Variants in WDFY4 observed in about 807,000 individuals in gnomAD.
WDFY4 encodes the protein WDFY family member 4.
In WDFY4, 169 loss-of-function variants were observed where a neutral mutation model predicts 351.9. That is an observed-to-expected ratio of 0.48 (90% CI 0.42 to 0.55). The LOEUF is 0.55. Among genes scored for constraint, WDFY4 ranks in the 20% least tolerant of loss-of-function variants. The pLI is 0.00. For missense variants in WDFY4, 3,803 were observed against 3,935.6 expected (o/e 0.97, Z 0.90); for synonymous variants, 1,622 against 1,574.6 (o/e 1.03, Z -0.71).
intron 12 of WDFY4, among the ~76,000 whole-genome samples, chr10:48,752,698 G>A (rs554502566): frequency 9.2e-5 from 14 of 152,306 alleles, no homozygotes; most frequent in Non-Finnish European, 1.3e-4. Flanking sequence ...ACATTGTAAC[G>A]TATATCAGTA....
chr10:48,978,695 T>C lies in WDFY4; in HGVS notation c.9376+302T>C, dbSNP rs535712412. On this transcript the variant is annotated intron_variant, in intron 60 of 61. Coordinates refer to ENST00000325239, the MANE Select transcript of WDFY4 (RefSeq NM_001394531.1). ...GGTACAAACCTCCCCATCAAAGCTG[T>C]TACCGCATCACATCCATCACAGCTG... 19 of 285,886 alleles carry C rather than the reference T, an allele frequency of 6.6e-5. No individual in the cohort carries two copies. The East Asian group carries it at 1.0e-3, about 15-fold the overall frequency. 17.7% of individuals were successfully genotyped at this position (285,886 alleles called of 1,614,324 possible). A position where few individuals can be genotyped will look rare whatever the true frequency, so the allele number is the denominator to read the frequency against.
chr10:48,778,549 C>G, intron 17 of WDFY4, 62 bp from the exon 18 acceptor site: 6 of 1,493,850 alleles, frequency 4.0e-6, no homozygotes, highest in Non-Finnish European at 5.4e-6. Flanking sequence ...CATAGTGAAT[C>G]TGAACATGCA....
chr10:48,816,719 G>C (rs190709839), intron 31 of WDFY4, among the ~76,000 whole-genome samples: 44 of 152,280 alleles, frequency 2.9e-4, no homozygotes, highest in Admixed American at 2.5e-3. Flanking sequence ...AATATGCTGA[G>C]AGAAGTAAAA....
At chr10:48,786,545 T>G in intron 19 of WDFY4, 94 bp from the exon 20 acceptor site, 1 of 897,904 alleles carries the variant, frequency 1.1e-6, no homozygotes, top group Non-Finnish European at 1.6e-6. Context: ...TACTATGAGA[T>G]GAGAATAAGA....
chr10:48,782,889 C>T (rs368918634), intron 19 of WDFY4, among the ~76,000 whole-genome samples: 1 of 152,058 alleles, frequency 6.6e-6, no homozygotes, highest in Non-Finnish European at 1.5e-5. Flanking sequence ...TGTGCATACA[C>T]TGGGAATTTG....
intron 33 of WDFY4, 132 bp downstream of exon 33, chr10:48,820,569 A>T: frequency 9.9e-7 from 1 of 1,009,336 alleles, no homozygotes; most frequent in Non-Finnish European, 1.4e-6. Context: ...TCTGTGAACC[A>T]TGGGCCCCAA....
chr10:48,911,127 A>G (rs1837962242), intron 47 of WDFY4, among the ~76,000 whole-genome samples: 1 of 152,234 alleles, frequency 6.6e-6, no homozygotes, highest in Non-Finnish European at 1.5e-5. Context: ...GGATATGTCC[A>G]AGACCTGGCA....
chr10:48,881,889 C>G (rs1246328039), intron 43 of WDFY4, among the ~76,000 whole-genome samples: 1 of 152,214 alleles, frequency 6.6e-6, no homozygotes, highest in East Asian at 1.9e-4. Flanking sequence ...ATACTCCCAC[C>G]CCAGAGCATA....
At position 48,776,881 on chromosome 10, in the gene WDFY4, G is replaced by A; in HGVS notation, c.2995G>A (p.Ala999Thr). The change falls in exon 16 of 62, where the codon GCG becomes ACG. Residue 999 changes from alanine to threonine, a missense_variant. Transcript: ENST00000325239. Reference sequence around the variant, plus strand: ...GGATTCAACTACTGCTCTTCAGACGGCGCTGAGCCTCATCTCCATGACCTC... The same window carrying A: ...GGATTCAACTACTGCTCTTCAGACGACGCTGAGCCTCATCTCCATGACCTC... ...SQDSTTALQT[A>T]LSLISMTSPR... 1.9e-6 allele frequency: 3 copies of A among 1,551,992 alleles called. No individual in the cohort carries two copies. Among genetic ancestry groups the A allele is most frequent in the Middle Eastern group, 1.7e-4 (1 of 5,994 alleles).
chr10:48,777,896 A>G (rs1041431484), intron 17 of WDFY4, among the ~76,000 whole-genome samples: 4 of 152,236 alleles, frequency 2.6e-5, no homozygotes, highest in African/African-American at 7.2e-5. Flanking sequence ...CTCAATTGAC[A>G]TTGAAAAATT....
At chr10:48,923,496 G>GTATTTATATATA (rs1839280373) in intron 47 of WDFY4, among the ~76,000 whole-genome samples, 2 of 63,210 alleles carry the variant, frequency 3.2e-5, no homozygotes, top group Non-Finnish European at 4.2e-5. Flanking sequence ...ATAGTTTTTA[G>GTATTTATATATA]TATATATATA....
intron 40 of WDFY4, among the ~76,000 whole-genome samples, chr10:48,868,270 C>T (rs1240933149): frequency 6.6e-6 from 1 of 152,220 alleles, no homozygotes; most frequent in Non-Finnish European, 1.5e-5. Context: ...CATAGCCTCC[C>T]AGGCTCTCCT....
At chr10:48,850,508 C>CT (rs1438709852) in intron 39 of WDFY4, among the ~76,000 whole-genome samples, 2 of 115,876 alleles carry the variant, frequency 1.7e-5, no homozygotes, top group South Asian at 2.9e-4. Context: ...TCTTGATCTC[C>CT]TTTTTTCTGC....
At chr10:48,966,729 G>A (rs1367905142) in intron 55 of WDFY4, 56 bp downstream of exon 55, 7 of 1,523,014 alleles carry the variant, frequency 4.6e-6, no homozygotes, top group East Asian at 5.0e-5. Context: ...TCCCTTCAGT[G>A]GCTGGGTTCC....
rs543781344 is a variant in WDFY4 at position 48,685,306 on chromosome 10, G to T, written c.-18+305G>T. Reference sequence around the variant, plus strand: ...CAGCACTCCTCGACCTCTGACGGTAGGTCAAGTCCTTTCTCGGGGTCCTGC... The same window carrying T: ...CAGCACTCCTCGACCTCTGACGGTATGTCAAGTCCTTTCTCGGGGTCCTGC... On this transcript the variant is annotated intron_variant, in intron 1 of 61. Transcript: ENST00000325239. Among the ~76,000 whole-genome samples the T allele has an allele frequency of 6.6e-5, 10 of 152,338 alleles. 1 individual carries two copies. In the South Asian group the frequency reaches 2.1e-3, roughly 32 times the overall value.
intron 13 of WDFY4, among the ~76,000 whole-genome samples, chr10:48,763,006 C>T (rs2065557575): frequency 6.6e-6 from 1 of 152,194 alleles, no homozygotes; most frequent in Non-Finnish European, 1.5e-5. Context: ...TTACCTTACT[C>T]ATCTAACAAA....
At chr10:48,972,644 A>G (rs1264523494) in intron 57 of WDFY4, among the ~76,000 whole-genome samples, 1 of 152,202 alleles carries the variant, frequency 6.6e-6, no homozygotes, top group African/African-American at 2.4e-5. Flanking sequence ...ACTATTTTAC[A>G]TAGTGCTGCA....
rs529304203 is a variant in WDFY4 at position 48,726,262 on chromosome 10, C to T, written c.781+192C>T. Among the ~76,000 whole-genome samples, 4 of 152,308 alleles carry T rather than the reference C, an allele frequency of 2.6e-5. No homozygotes were observed. The South Asian group carries it at 8.3e-4, about 32-fold the overall frequency. On this transcript the variant is annotated intron_variant, in intron 6 of 61. Coordinates refer to ENST00000325239, the MANE Select transcript of WDFY4 (RefSeq NM_001394531.1). ...AGATAATTCTACATGGCTTGGCTCC[C>T]TTCATGTAAGTGCTTTTCTTGTTCA...
chr10:48,880,764 T>C (rs1289430289), intron 43 of WDFY4, among the ~76,000 whole-genome samples: 2 of 152,194 alleles, frequency 1.3e-5, no homozygotes, highest in South Asian at 2.1e-4. Context: ...GGGGCTATGC[T>C]TGCTGCCTCT....
Sources: allele counts gnomAD v4.1 joint callset (sites outside exome capture counted in the v4.1 genomes callset), GRCh38; gene constraint gnomAD v4.1.1; transcripts MANE v1.5; gene names NCBI Gene and HGNC (gene_info 2026-07-23, HGNC 2026-07-21).